Variants in LRRC7 observed in about 807,000 individuals in gnomAD.
LRRC7 encodes leucine-rich repeat-containing protein 7.
LRRC7 carries 23 observed loss-of-function variants against 175.7 expected under a neutral mutation model. That is an observed-to-expected ratio of 0.13 (90% confidence interval 0.09 to 0.19). The LOEUF (loss-of-function observed/expected upper bound fraction) is 0.19. Among genes scored for constraint, LRRC7 ranks in the 10% least tolerant of loss-of-function variants. The pLI, the probability that LRRC7 is intolerant of heterozygous loss-of-function variation, is 1.00. For missense variants in LRRC7, 1,354 were observed against 1,904.7 expected (o/e 0.71, Z 5.38); for synonymous variants, 685 against 680.9 (o/e 1.01, Z -0.09).
chr1:69,853,626 C>T (rs1398307601), intron 7 of LRRC7, among the ~76,000 whole-genome samples: 1 of 152,020 alleles, frequency 6.6e-6, no homozygotes, highest in Non-Finnish European at 1.5e-5. Flanking sequence ...GAAAATGTTG[C>T]ATTTGAAATG....
intron 8 of LRRC7, among the ~76,000 whole-genome samples, chr1:69,964,903 C>A (rs1651507030): frequency 6.6e-6 from 1 of 152,184 alleles, no homozygotes; most frequent in Admixed American, 6.6e-5. Context: ...TCCAGATATT[C>A]TGGTTTGATG....
At chr1:69,605,165 C>T (rs1251834384) in intron 1 of LRRC7, among the ~76,000 whole-genome samples, 2 of 152,090 alleles carry the variant, frequency 1.3e-5, no homozygotes, top group African/African-American at 2.4e-5. Flanking sequence ...CTTTGCCATG[C>T]TGTTCTCGTG....
At chr1:69,760,472 G>C in intron 3 of LRRC7, 79 bp downstream of exon 3, 1 of 1,209,752 alleles carries the variant, frequency 8.3e-7, no homozygotes, top group Non-Finnish European at 1.2e-6. Context: ...ATGGTAATGT[G>C]AACTATGGGC....
chr1:69,596,188 A>G (rs977835927), intron 1 of LRRC7, among the ~76,000 whole-genome samples: 1 of 152,118 alleles, frequency 6.6e-6, no homozygotes, highest in Non-Finnish European at 1.5e-5. Context: ...CCAGTTTAAG[A>G]AGATTATCTC....
At chr1:69,656,520 G>A (rs181208915) in intron 1 of LRRC7, among the ~76,000 whole-genome samples, 83 of 152,074 alleles carry the variant, frequency 5.5e-4, no homozygotes, top group African/African-American at 2.0e-3. Flanking sequence ...TCCAGTATGT[G>A]GAATGGTAAC....
rs563643945 is a variant in LRRC7, at chr1:69,620,289, C to G, written c.2+51648C>G. ...TTTACATTTTTTTTTTACTTTTACA[C>G]TCTAATACAGTAAATATATTAGATA... On this transcript the variant is annotated intron_variant, in intron 1 of 26. Coordinates refer to ENST00000651989, the MANE Select transcript of LRRC7 (RefSeq NM_001370785.2). Among the ~76,000 whole-genome samples the G allele has an allele frequency of 2.4e-4, 36 of 151,706 alleles. 1 individual carries two copies. The South Asian group carries it at 7.3e-3, about 31-fold the overall frequency.
chr1:69,666,536 G>A (rs1053382367), intron 1 of LRRC7, among the ~76,000 whole-genome samples: 3 of 151,788 alleles, frequency 2.0e-5, no homozygotes, highest in Admixed American at 6.6e-5. Flanking sequence ...TTCATGGTTC[G>A]ATCTTGGAAG....
chr1:70,015,091 C>G (rs1434669138), intron 13 of LRRC7, among the ~76,000 whole-genome samples: 2 of 151,962 alleles, frequency 1.3e-5, no homozygotes, highest in African/African-American at 4.8e-5. Flanking sequence ...ATTGAAATAA[C>G]TTTTAGTTAG....
chr1:69,697,898 G>A (rs574498763), intron 2 of LRRC7, among the ~76,000 whole-genome samples: 2 of 152,322 alleles, frequency 1.3e-5, no homozygotes, highest in Admixed American at 1.3e-4. Context: ...GGGGCTTACT[G>A]CTGTACAACT....
chr1:69,610,881 T>C (rs1234193700), intron 1 of LRRC7, among the ~76,000 whole-genome samples: 2 of 152,008 alleles, frequency 1.3e-5, no homozygotes, highest in Non-Finnish European at 2.9e-5. Flanking sequence ...CAGTCCTTGA[T>C]TTCTTAATGA....
At chr1:69,924,601 G>C (rs915997044) in intron 7 of LRRC7, among the ~76,000 whole-genome samples, 8 of 152,100 alleles carry the variant, frequency 5.3e-5, no homozygotes, top group African/African-American at 1.7e-4. Context: ...CTCTCTGTTT[G>C]TCTGTTATTG....
intron 23 of LRRC7, among the ~76,000 whole-genome samples, chr1:70,071,821 GT>G (rs1220347409): frequency 6.6e-6 from 1 of 152,106 alleles, no homozygotes; most frequent in African/African-American, 2.4e-5. Context: ...ACCAAATTGA[GT>G]AACATAATAT....
At chr1:69,670,679 C>G (rs1358585439) in intron 1 of LRRC7, among the ~76,000 whole-genome samples, 1 of 152,100 alleles carries the variant, frequency 6.6e-6, no homozygotes, top group East Asian at 1.9e-4. Flanking sequence ...AGGAGTATAC[C>G]TAGTATTTTA....
At chr1:69,810,325 A>G (rs776184459) in intron 4 of LRRC7, among the ~76,000 whole-genome samples, 1 of 152,238 alleles carries the variant, frequency 6.6e-6, no homozygotes, top group Non-Finnish European at 1.5e-5. Flanking sequence ...AAGAATCAAT[A>G]TCATGAAAAT....
intron 8 of LRRC7, among the ~76,000 whole-genome samples, chr1:69,971,150 A>G (rs1652195061): frequency 1.3e-5 from 2 of 152,306 alleles, no homozygotes; most frequent in South Asian, 4.1e-4. Flanking sequence ...ACCATCTATA[A>G]CAAATCCATA....
At chr1:70,119,110 G>T (rs1666049323) in intron 26 of LRRC7, among the ~76,000 whole-genome samples, 1 of 150,262 alleles carries the variant, frequency 6.7e-6, no homozygotes, top group Non-Finnish European at 1.5e-5. Context: ...GCTTTATTCT[G>T]CACATACTGT....
intron 1 of LRRC7, among the ~76,000 whole-genome samples, chr1:69,672,013 AT>A (rs1553136863): frequency 3.1e-4 from 47 of 152,102 alleles, no homozygotes; most frequent in African/African-American, 1.1e-3. Flanking sequence ...CTTTAAAAAA[AT>A]TTTTTTTATT....
intron 25 of LRRC7, among the ~76,000 whole-genome samples, chr1:70,096,706 T>A (rs1571314345): frequency 6.6e-6 from 1 of 152,090 alleles, no homozygotes; most frequent in South Asian, 2.1e-4. Context: ...TGCTTATTCC[T>A]AGACTGAAAA....
chr1:69,859,947 T>A lies in LRRC7; in HGVS notation c.647+21664T>A, dbSNP rs113429271. 1.4e-3 allele frequency among the ~76,000 whole-genome samples: 220 copies of A among 152,154 alleles called. 1 individual carries two copies. Among genetic ancestry groups the A allele is most frequent in the African/African-American group, 5.0e-3 (207 of 41,570 alleles). ...GTAAGTTAAATTGAACTAAGTGATG[T>A]GATTTACACTGAATATCTCTATTTC... On this transcript the variant is annotated intron_variant, in intron 7 of 26. Coordinates refer to ENST00000651989, the MANE Select transcript of LRRC7 (RefSeq NM_001370785.2).
Sources: allele counts gnomAD v4.1 joint callset (sites outside exome capture counted in the v4.1 genomes callset), GRCh38; gene constraint gnomAD v4.1.1; transcripts MANE v1.5; gene names NCBI Gene and HGNC (gene_info 2026-07-23, HGNC 2026-07-21).